ACER3: variants seen among roughly 807,000 people sequenced by gnomAD.
ACER3 encodes the protein alkCDase 3.
A neutral mutation model predicts 48.9 loss-of-function variants in ACER3; 16 were observed. The observed-to-expected ratio is 0.33, with a 90% CI of 0.22 to 0.50. The LOEUF is 0.50. Among genes scored for constraint, ACER3 ranks in the 20% least tolerant of loss-of-function variants. The pLI is 0.98. For missense variants in ACER3, 227 were observed against 326.0 expected (o/e 0.70, Z 2.34); for synonymous variants, 109 against 107.8 (o/e 1.01, Z -0.07).
chr11:77,020,335 T>C lies in ACER3; in HGVS notation c.*8T>C. ...CCTCTCAGGAAGCATTGATGAATCA[T>C]TCCACCAAGAAAACAAACAAGCACC... is the stretch of plus-strand genomic sequence containing the variant. On this transcript the variant is annotated 3_prime_UTR_variant, in exon 11 of 11. Transcript: ENST00000532485. 1 of 1,613,124 alleles carries C rather than the reference T, an allele frequency of 6.2e-7. No individual in the cohort carries two copies. Among genetic ancestry groups the C allele is most frequent in the South Asian group, 1.1e-5 (1 of 91,056 alleles).
At chr11:76,994,326 C>G (rs577752347) in intron 6 of ACER3, 1 of 367,806 alleles carries the variant, frequency 2.7e-6, no homozygotes, top group Non-Finnish European at 5.3e-6. Flanking sequence ...AACGGGGTAT[C>G]GCCATGTTGG....
chr11:76,944,755 T>C (rs1947430908), intron 2 of ACER3, among the ~76,000 whole-genome samples: 1 of 152,206 alleles, frequency 6.6e-6, no homozygotes, highest in East Asian at 1.9e-4. Context: ...ACTCTCTTGC[T>C]TGACTTGGAA....
chr11:76,931,657 G>C (rs1488373555), intron 2 of ACER3, among the ~76,000 whole-genome samples: 1 of 152,018 alleles, frequency 6.6e-6, no homozygotes, highest in African/African-American at 2.4e-5. Context: ...TTAGGGCAGG[G>C]CTGGTGGTGA....
In ACER3 at chr11:76,970,261, C is replaced by G. The variant is rs145602618; in HGVS notation, c.268-6028C>G. Among the ~76,000 whole-genome samples, 92 of 152,268 alleles carry G rather than the reference C, an allele frequency of 6.0e-4. No individual in the cohort carries two copies. The Middle Eastern group carries it at 0.014, about 23-fold the overall frequency. On this transcript the variant is annotated intron_variant, in intron 3 of 10. Transcript: ENST00000532485. ...CTTGGCCAAGAGGGGTTCATCCAGT[C>G]AGTTGGAGAGCTTAGAACTTTATTT...
intron 2 of ACER3, among the ~76,000 whole-genome samples, chr11:76,941,298 A>G (rs1947338417): frequency 6.6e-6 from 1 of 152,152 alleles, no homozygotes; most frequent in Admixed American, 6.6e-5. Flanking sequence ...AGAAACAGAC[A>G]ATAATTTATG....
At chr11:76,980,250 T>C (rs1357832853) in intron 4 of ACER3, among the ~76,000 whole-genome samples, 1 of 152,216 alleles carries the variant, frequency 6.6e-6, no homozygotes, top group Non-Finnish European at 1.5e-5. Context: ...GTAAACTCCT[T>C]TTAATAACAT....
At chr11:76,875,221 C>T (rs1945342200) in intron 1 of ACER3, among the ~76,000 whole-genome samples, 1 of 138,298 alleles carries the variant, frequency 7.2e-6, no homozygotes, top group East Asian at 2.4e-4. Context: ...TCAAGTGATT[C>T]TTGTGCCTCA....
At chr11:76,939,110 T>C (rs1384515280) in intron 2 of ACER3, among the ~76,000 whole-genome samples, 2 of 152,070 alleles carry the variant, frequency 1.3e-5, no homozygotes, top group Non-Finnish European at 2.9e-5. Context: ...TTCCTATGAT[T>C]CTAAAAAACA....
At chr11:76,981,081 A>C (rs1477919060) in intron 4 of ACER3, among the ~76,000 whole-genome samples, 1 of 152,218 alleles carries the variant, frequency 6.6e-6, no homozygotes, top group African/African-American at 2.4e-5. Flanking sequence ...AGTGGAGTAG[A>C]AAGGGATAGA....
chr11:76,953,853 A>G (rs568832607), intron 2 of ACER3, among the ~76,000 whole-genome samples: 1 of 152,260 alleles, frequency 6.6e-6, no homozygotes, highest in South Asian at 2.1e-4. Context: ...GATTATATCA[A>G]TTCCTATGTG....
In ACER3 at chr11:76,985,770, A is replaced by G. The variant is rs185775967; in HGVS notation, c.402+46A>G. On this transcript the variant is annotated intron_variant, in intron 5 of 10. Coordinates refer to ENST00000532485, the MANE Select transcript of ACER3 (RefSeq NM_018367.7). ...AACAGATTAAGCATGTAAATTCACC[A>G]TTTATGGAGTTTGACATATTTTACT... is the stretch of plus-strand genomic sequence containing the variant. The G allele has an allele frequency of 2.7e-4, 315 of 1,158,436 alleles. 1 individual carries two copies. In the African/African-American group the frequency reaches 4.4e-3, roughly 16 times the overall value. The allele number at this position is 1,158,436 out of a possible 1,614,324, so 71.8% of individuals were successfully genotyped here.
At chr11:76,895,223 G>A (rs1217703366) in intron 1 of ACER3, among the ~76,000 whole-genome samples, 1 of 151,716 alleles carries the variant, frequency 6.6e-6, no homozygotes, top group African/African-American at 2.4e-5. Context: ...TATGTTTTTG[G>A]GCAGATATTT....
At chr11:77,005,081 A>C (rs748566822) in intron 7 of ACER3, among the ~76,000 whole-genome samples, 22 of 138,520 alleles carry the variant, frequency 1.6e-4, no homozygotes, top group South Asian at 9.0e-4. Context: ...TCTATCGTCC[A>C]GGCTGGAGAG....
chr11:76,937,829 CA>C (rs1947232535), intron 2 of ACER3, among the ~76,000 whole-genome samples: 2 of 151,994 alleles, frequency 1.3e-5, no homozygotes, highest in Non-Finnish European at 2.9e-5. Context: ...CTAGATTATC[CA>C]GACTAAATCT....
intron 6 of ACER3, among the ~76,000 whole-genome samples, chr11:76,992,630 G>T (rs1948826270): frequency 6.6e-6 from 1 of 152,168 alleles, no homozygotes; most frequent in Non-Finnish European, 1.5e-5. Flanking sequence ...CTAGAGTGAA[G>T]CAAATAAGTA....
intron 2 of ACER3, among the ~76,000 whole-genome samples, chr11:76,937,944 G>C (rs1025706121): frequency 2.0e-5 from 3 of 152,168 alleles, no homozygotes; most frequent in African/African-American, 7.2e-5. Context: ...TGTTGGTAGT[G>C]GTATGGGTAT....
At chr11:76,907,622 G>A (rs896447153) in intron 1 of ACER3, among the ~76,000 whole-genome samples, 1 of 152,146 alleles carries the variant, frequency 6.6e-6, no homozygotes, top group Non-Finnish European at 1.5e-5. Flanking sequence ...TGTAATCCCA[G>A]TGCTTTGGGA....
chr11:76,998,455 G>T, intron 6 of ACER3: 2 of 96,978 alleles, frequency 2.1e-5, no homozygotes, highest in East Asian at 2.7e-4. Context: ...TAAAGATTAT[G>T]AGGCAAAATT....
chr11:76,971,489 A>G (rs1362358573), intron 3 of ACER3, among the ~76,000 whole-genome samples: 1 of 151,992 alleles, frequency 6.6e-6, no homozygotes, highest in Non-Finnish European at 1.5e-5. Flanking sequence ...GCAGTGAGCC[A>G]AGATCGCGCC....
Sources: gnomAD v4.1 joint callset for allele counts (sites outside exome capture counted in the v4.1 genomes callset) on GRCh38, gnomAD v4.1.1 for gene constraint, MANE v1.5 for transcripts, NCBI Gene and HGNC (gene_info 2026-07-23, HGNC 2026-07-21) for gene names.